The following EPYC variants were observed in gnomAD, a reference collection of about 807,000 sequenced individuals.
The protein encoded by EPYC is epiphycan, also known as dermatan sulfate proteoglycan 3.
A neutral mutation model predicts 30.1 loss-of-function variants in EPYC; 28 were observed. That is an observed-to-expected ratio of 0.93 (90% CI 0.69 to 1.28). EPYC has a LOEUF of 1.28. Among genes scored for constraint, EPYC ranks in the 50% most tolerant of loss-of-function variants. EPYC has a pLI of 0.00. For missense variants in EPYC, 382 were observed against 383.5 expected (o/e 1.00, Z 0.03); for synonymous variants, 144 against 141.4 (o/e 1.02, Z -0.13).
At chr12:90,984,681 C>A (rs531125262) in intron 2 of EPYC, among the ~76,000 whole-genome samples, 5 of 152,140 alleles carry the variant, frequency 3.3e-5, no homozygotes, top group Non-Finnish European at 5.9e-5. Context: ...TTACATCTCA[C>A]AGGAGGACCT....
chr12:90,988,736 AATAAGAG>A (rs1490616863), intron 2 of EPYC, among the ~76,000 whole-genome samples: 1 of 152,142 alleles, frequency 6.6e-6, no homozygotes, highest in Non-Finnish European at 1.5e-5. Flanking sequence ...GGTTTAACAC[AATAAGAG>A]ATTCTATCTT....
chr12:90,987,838 T>C (rs1877489218), intron 2 of EPYC, among the ~76,000 whole-genome samples: 1 of 152,158 alleles, frequency 6.6e-6, no homozygotes, highest in South Asian at 2.1e-4. Flanking sequence ...CCTGAGTACA[T>C]ATTAACTCTA....
At chr12:90,998,653 C>G (rs147115285) in intron 2 of EPYC, among the ~76,000 whole-genome samples, 131 of 152,218 alleles carry the variant, frequency 8.6e-4, no homozygotes, top group African/African-American at 3.0e-3. Context: ...GCAACACTTA[C>G]AGTGGAATAA....
intron 2 of EPYC, 120 bp downstream of exon 2, chr12:91,002,281 A>G (rs1877849279): frequency 1.3e-6 from 1 of 779,758 alleles, no homozygotes; most frequent in South Asian, 2.0e-5. Context: ...TTAATATGAA[A>G]TTATTAACAT....
chr12:90,972,688 A>G (rs1877081143), intron 4 of EPYC, 134 bp downstream of exon 4: 1 of 802,134 alleles, frequency 1.2e-6, no homozygotes, highest in Non-Finnish European at 1.9e-6. Flanking sequence ...TCAAATTTTT[A>G]AATAACAAAA....
intron 2 of EPYC, among the ~76,000 whole-genome samples, chr12:90,987,384 C>T (rs1877477902): frequency 6.7e-6 from 1 of 149,798 alleles, no homozygotes; most frequent in East Asian, 1.9e-4. Context: ...CCAATATATA[C>T]TCTTAGTCTG....
In EPYC at chr12:90,972,960, A is replaced by G. The variant is rs746945408; in HGVS notation, c.361T>C (p.Cys121Arg). The change falls in exon 4 of 7, where the codon TGT becomes CGT. Residue 121 changes from cysteine (C) to arginine (R), a missense_variant. Physicochemically the swap from Cys to Arg is radical, Grantham distance 180 (BLOSUM62 -3). Coordinates refer to ENST00000261172, the MANE Select transcript of EPYC (RefSeq NM_004950.5). ...TACACGGTGGTACTTATACAAGTAC[A>G]CAAAAGACAGGTTGGAAAGTCTAAA... ...TNEDFPTCLL[C>R]TCISTTVYCD... 5.6e-6 allele frequency: 9 copies of G among 1,594,676 alleles called. No homozygotes were observed. In the South Asian group the frequency reaches 9.1e-5, roughly 16 times the overall value.
intron 2 of EPYC, among the ~76,000 whole-genome samples, chr12:90,996,057 A>G (rs1359765425): frequency 2.0e-5 from 3 of 151,918 alleles, no homozygotes; most frequent in Non-Finnish European, 4.4e-5. Context: ...TAAATTGGCC[A>G]AAGTAGGATA....
chr12:90,964,075 C>A lies in EPYC; in HGVS notation c.*81G>T. On this transcript the variant is annotated 3_prime_UTR_variant, in exon 7 of 7. Transcript: ENST00000261172. ...CTCTCAGAACACAATCTCAAAGTAT[C>A]ATGCTGAGTTTTGTTTTGGAAGAGA... 1 of 1,128,062 alleles carries A rather than the reference C, an allele frequency of 8.9e-7. No homozygotes were observed. The highest frequency in any genetic ancestry group is 1.3e-6 in the Non-Finnish European group (1 of 783,352). 69.9% of individuals were successfully genotyped at this position (1,128,062 alleles called of 1,614,324 possible).
chr12:90,981,907 G>A (rs1160340260), intron 2 of EPYC, among the ~76,000 whole-genome samples: 3 of 152,056 alleles, frequency 2.0e-5, no homozygotes, highest in Admixed American at 6.6e-5. Context: ...CAATGATAAT[G>A]TAATATATAT....
intron 5 of EPYC, among the ~76,000 whole-genome samples, chr12:90,971,229 G>T (rs1343077539): frequency 6.6e-6 from 1 of 152,050 alleles, no homozygotes; most frequent in Admixed American, 6.6e-5. Flanking sequence ...GGTGCTTCAG[G>T]TAGCCACCAA....
At chr12:90,996,523 T>A (rs950217473) in intron 2 of EPYC, among the ~76,000 whole-genome samples, 12 of 151,976 alleles carry the variant, frequency 7.9e-5, no homozygotes, top group African/African-American at 2.9e-4. Flanking sequence ...TCCTCAAAAT[T>A]TAATTGATAC....
At chr12:90,968,689 CTAAT>C (rs1432404404) in intron 6 of EPYC, among the ~76,000 whole-genome samples, 1 of 152,080 alleles carries the variant, frequency 6.6e-6, no homozygotes, top group Middle Eastern at 3.2e-3. Context: ...TATATACAAA[CTAAT>C]TATGTTTAAA....
At chr12:90,999,647 T>C (rs1252496583) in intron 2 of EPYC, among the ~76,000 whole-genome samples, 3 of 152,094 alleles carry the variant, frequency 2.0e-5, no homozygotes, top group African/African-American at 4.8e-5. Flanking sequence ...CACCTTAATA[T>C]ATAAAAATGA....
intron 2 of EPYC, among the ~76,000 whole-genome samples, chr12:90,984,861 G>A (rs982912732): frequency 1.3e-5 from 2 of 152,010 alleles, no homozygotes; most frequent in African/African-American, 4.8e-5. Context: ...GGGGAATTTG[G>A]CCCAACCCAG....
chr12:90,970,047 G>A lies in EPYC; in HGVS notation c.795C>T (p.Leu265=), dbSNP rs1290849850. The A allele has an allele frequency of 5.0e-6, 8 of 1,612,202 alleles. No individual in the cohort carries two copies. Among genetic ancestry groups the A allele is most frequent in the Non-Finnish European group, 6.8e-6 (8 of 1,178,388 alleles). The stretch of plus-strand genomic sequence containing the variant: ...CACCTTACTGGTAGACTCCTACCTG[G>A]AGGTGAAGGGCTCGTAGATTTTCTG... ...PLPENLRALH[L]QNNNILEMHE... Residue 265 remains leucine, a synonymous_variant, in exon 6 of 7, where the codon CTC becomes CTT. Transcript: ENST00000261172.
chr12:90,991,103 T>G (rs1877575325), intron 2 of EPYC, among the ~76,000 whole-genome samples: 1 of 152,194 alleles, frequency 6.6e-6, no homozygotes, highest in South Asian at 2.1e-4. Context: ...TTTAGATATA[T>G]TTCTTTGTTC....
At position 90,967,899 on chromosome 12, in the gene EPYC, G is replaced by T. The variant is rs1348269730; in HGVS notation, c.798+2145C>A. Among the ~76,000 whole-genome samples, 3 of 152,142 alleles carry T rather than the reference G, an allele frequency of 2.0e-5. No homozygotes were observed. The East Asian group carries it at 5.8e-4, about 29-fold the overall frequency. The stretch of plus-strand genomic sequence containing the variant: ...GGTGGAAAATTGCTTGAGCCCAGGT[G>T]TTTGAGGCTGTGGTAAGCTATGATC... On this transcript the variant is annotated intron_variant, in intron 6 of 6. Coordinates refer to ENST00000261172, the MANE Select transcript of EPYC (RefSeq NM_004950.5).
intron 2 of EPYC, among the ~76,000 whole-genome samples, chr12:90,980,752 C>A (rs1400321346): frequency 2.0e-5 from 3 of 152,072 alleles, no homozygotes; most frequent in African/African-American, 7.2e-5. Context: ...CATAATTGAG[C>A]CTCTTCTACA....
Sources: gnomAD v4.1 joint callset for allele counts (sites outside exome capture counted in the v4.1 genomes callset) on GRCh38, gnomAD v4.1.1 for gene constraint, MANE v1.5 for transcripts, NCBI Gene and HGNC (gene_info 2026-07-23, HGNC 2026-07-21) for gene names.